The following CTNND2 variants were observed in gnomAD, a reference collection of about 807,000 sequenced individuals.
The protein encoded by CTNND2 is catenin delta-2.
In CTNND2, 22 loss-of-function variants were observed where a neutral mutation model predicts 144.4. That is an observed-to-expected ratio of 0.15 (90% CI 0.11 to 0.22). The LOEUF (loss-of-function observed/expected upper bound fraction) is 0.22. CTNND2 is among the 10% of genes least tolerant of loss of function. CTNND2 has a pLI of 1.00. For missense variants in CTNND2, 1,353 were observed against 1,618.8 expected (o/e 0.84, Z 2.82); for synonymous variants, 751 against 695.6 (o/e 1.08, Z -1.25).
chr5:11,536,795 G>A (rs1400372027), intron 3 of CTNND2, among the ~76,000 whole-genome samples: 1 of 151,972 alleles, frequency 6.6e-6, no homozygotes, highest in Non-Finnish European at 1.5e-5. Flanking sequence ...CGGGTTATGG[G>A]CGCACCAAAA....
In CTNND2 at chr5:11,018,075, A is replaced by G. The variant is rs1306952400; in HGVS notation, c.3000-17T>C. The stretch of plus-strand genomic sequence containing the variant: ...GGAGAGTGTCTGATGAAGAAAAGAC[A>G]GGAAAGGCAAGATGTGAGTGGGACA... On this transcript the variant is annotated splice_polypyrimidine_tract_variant and intron_variant, in intron 17 of 21. Coordinates refer to ENST00000304623, the MANE Select transcript of CTNND2 (RefSeq NM_001332.4). 18 of 1,582,240 alleles carry G rather than the reference A, an allele frequency of 1.1e-5. No individual in the cohort carries two copies. The highest frequency in any genetic ancestry group is 1.7e-4 in the Middle Eastern group (1 of 5,990).
intron 10 of CTNND2, 50 bp from the exon 11 acceptor site, chr5:11,199,711 A>G (rs745918998): frequency 1.5e-6 from 2 of 1,357,464 alleles, no homozygotes; most frequent in Non-Finnish European, 2.1e-6. Flanking sequence ...AGGTTTCCCT[A>G]CCTACACCAA....
At chr5:11,901,984 G>T (rs1215682269) in intron 1 of CTNND2, among the ~76,000 whole-genome samples, 1 of 152,176 alleles carries the variant, frequency 6.6e-6, no homozygotes, top group Non-Finnish European at 1.5e-5. Context: ...AGTGCTCTCG[G>T]AAAGTTCCCT....
intron 2 of CTNND2, among the ~76,000 whole-genome samples, chr5:11,701,420 A>G (rs1195866149): frequency 6.6e-6 from 1 of 152,206 alleles, no homozygotes; most frequent in Admixed American, 6.5e-5. Flanking sequence ...AACAATATCA[A>G]ATTTAATCAA....
chr5:11,613,256 T>C (rs1315235678), intron 2 of CTNND2, among the ~76,000 whole-genome samples: 1 of 152,030 alleles, frequency 6.6e-6, no homozygotes, highest in Non-Finnish European at 1.5e-5. Context: ...AATGAAATTG[T>C]GGCTTACCTG....
In CTNND2 at chr5:11,236,742, C is replaced by G. The variant is rs765877085; in HGVS notation, c.1710G>C (p.Ala570=). The change falls in exon 10 of 22, where the codon GCG becomes GCC. Residue 570 remains alanine, a synonymous_variant. Transcript: ENST00000304623. ...QHQFPSVQSN[A]AAYLQHLCFG... is the part of the protein sequence containing the mutation. ...AACAGAGGTGTTGCAAGTAGGCTGC[C>G]GCGTTAGACTGGACCGAGGGAAACT... The G allele has an allele frequency of 8.1e-6, 13 of 1,614,126 alleles. 1 individual carries two copies. Among genetic ancestry groups the G allele is most frequent in the South Asian group, 2.2e-5 (2 of 91,092 alleles).
intron 3 of CTNND2, among the ~76,000 whole-genome samples, chr5:11,521,562 C>G (rs1772717784): frequency 6.6e-6 from 1 of 152,172 alleles, no homozygotes; most frequent in Non-Finnish European, 1.5e-5. Flanking sequence ...TATACATAGT[C>G]AACATTTAAC....
At chr5:11,509,305 G>T (rs1246857682) in intron 3 of CTNND2, among the ~76,000 whole-genome samples, 1 of 152,158 alleles carries the variant, frequency 6.6e-6, no homozygotes, top group African/African-American at 2.4e-5. Context: ...CTTATAAAAG[G>T]TGCCTATAAA....
At chr5:11,091,869 A>ACACATGTG (rs1750809109) in intron 15 of CTNND2, among the ~76,000 whole-genome samples, 1 of 152,090 alleles carries the variant, frequency 6.6e-6, no homozygotes, top group African/African-American at 2.4e-5. Context: ...TATTTGCCTC[A>ACACATGTG]GACACATGTG....
intron 9 of CTNND2, among the ~76,000 whole-genome samples, chr5:11,345,913 T>TGAAG (rs1443188429): frequency 2.0e-5 from 3 of 152,168 alleles, no homozygotes; most frequent in Non-Finnish European, 4.4e-5. Flanking sequence ...CATAGAGAAA[T>TGAAG]GAAGGCCATG....
intron 19 of CTNND2, 110 bp downstream of exon 19, chr5:10,992,436 CGAAGG>C: frequency 7.0e-7 from 1 of 1,426,248 alleles, no homozygotes; most frequent in Non-Finnish European, 9.8e-7. Context: ...CTACTTCTAG[CGAAGG>C]TCTGAATGGA....
intron 2 of CTNND2, among the ~76,000 whole-genome samples, chr5:11,583,581 G>A (rs912020304): frequency 2.0e-5 from 3 of 152,186 alleles, no homozygotes; most frequent in Admixed American, 6.5e-5. Context: ...CTGAGATAAT[G>A]TCTAACATGT....
intron 9 of CTNND2, among the ~76,000 whole-genome samples, chr5:11,252,377 G>A (rs935358329): frequency 6.6e-6 from 1 of 152,076 alleles, no homozygotes; most frequent in Non-Finnish European, 1.5e-5. Context: ...GGGGTGGGGG[G>A]GAGATTATAC....
intron 2 of CTNND2, among the ~76,000 whole-genome samples, chr5:11,712,285 T>C (rs1043937116): frequency 4.0e-5 from 6 of 149,286 alleles, no homozygotes; most frequent in African/African-American, 1.5e-4. Flanking sequence ...CACAGATAAA[T>C]GCTTTCATTG....
rs771436418 is a variant in CTNND2, at chr5:11,346,572, G to A, written c.1428C>T (p.His476=). The A allele has an allele frequency of 2.4e-5, 38 of 1,597,254 alleles. No individual in the cohort carries two copies. Among genetic ancestry groups the A allele is most frequent in the Non-Finnish European group, 2.8e-5 (33 of 1,172,004 alleles). The change falls in exon 9 of 22, where the codon CAC becomes CAT. Residue 476 remains histidine, a synonymous_variant. Transcript: ENST00000304623. ...TGGCCGCGGCGGCATTCTGTGGGCC[G>A]TGCTGGCTGCCTGTGCGCTGCAAGG... is the stretch of plus-strand genomic sequence containing the variant. The part of the protein sequence containing the change: ...SVPLQRTGSQ[H]GPQNAAAATF...
chr5:11,210,322 CA>C (rs762921742), intron 10 of CTNND2, among the ~76,000 whole-genome samples: 17 of 152,250 alleles, frequency 1.1e-4, no homozygotes, highest in Non-Finnish European at 2.1e-4. Context: ...CATTTGAGCC[CA>C]GGGGGCAGAG....
At chr5:11,627,568 AATAG>A (rs945195078) in intron 2 of CTNND2, among the ~76,000 whole-genome samples, 3 of 152,126 alleles carry the variant, frequency 2.0e-5, no homozygotes, top group African/African-American at 7.2e-5. Context: ...AGTAGATATA[AATAG>A]ATAGTCACAA....
chr5:11,129,141 T>A (rs2023920), intron 12 of CTNND2, among the ~76,000 whole-genome samples: 1 of 32,654 alleles, frequency 3.1e-5, no homozygotes, highest in African/African-American at 1.2e-4. Flanking sequence ...TTATATATAT[T>A]ATATATAAAA....
At chr5:11,007,821 A>G (rs1740645963) in intron 18 of CTNND2, among the ~76,000 whole-genome samples, 1 of 152,260 alleles carries the variant, frequency 6.6e-6, no homozygotes, top group Non-Finnish European at 1.5e-5. Flanking sequence ...CATAGCGTGG[A>G]TGTCCACGGA....
Sources: gnomAD v4.1 joint callset for allele counts (sites outside exome capture counted in the v4.1 genomes callset) on GRCh38, gnomAD v4.1.1 for gene constraint, MANE v1.5 for transcripts, NCBI Gene and HGNC (gene_info 2026-07-23, HGNC 2026-07-21) for gene names.